PER3: variants seen among roughly 807,000 people sequenced by gnomAD.
The protein encoded by PER3 is period circadian regulator 3, also known as period circadian protein homolog 3.
Under a neutral mutation model 127.2 loss-of-function variants are expected in PER3, and 107 were observed. The observed-to-expected ratio is 0.84, with a 90% CI of 0.72 to 0.99. The LOEUF (loss-of-function observed/expected upper bound fraction) is 0.99, where lower values mean the gene tolerates loss of function less well. Among genes scored for constraint, PER3 ranks in the 50% least tolerant of loss-of-function variants. The pLI, the probability that PER3 is intolerant of heterozygous loss-of-function variation, is 0.00. For synonymous variants in PER3, 618 were observed against 585.8 expected (o/e 1.05, Z -0.79); for missense variants, 1,560 against 1,525.8 (o/e 1.02, Z -0.37).
At position 7,826,725 on chromosome 1, in the gene PER3, A is replaced by T. The variant is rs771252791; in HGVS notation, c.2188+15A>T. The T allele has an allele frequency of 3.5e-6, 5 of 1,437,632 alleles. No homozygotes were observed. Among genetic ancestry groups the T allele is most frequent in the Non-Finnish European group, 3.9e-6 (4 of 1,020,298 alleles). The allele number at this position is 1,437,632 out of a possible 1,614,324, so 89.1% of individuals were successfully genotyped here. A position where few individuals can be genotyped will look rare whatever the true frequency, so the allele number is the denominator to read the frequency against. On this transcript the variant is annotated intron_variant, in intron 17 of 21. Transcript: ENST00000377532. The surrounding 1 kb of genome is among the most constrained non-coding windows in gnomAD (Gnocchi z 4.2). ...ATATTTTCAAGGTACGTAATTTTTT[A>T]AAAATAAATGCCATTAATCTATGTA...
intron 13 of PER3, among the ~76,000 whole-genome samples, chr1:7,813,660 G>A (rs895174930): frequency 6.6e-6 from 1 of 152,286 alleles, no homozygotes; most frequent in South Asian, 2.1e-4. Context: ...TTTGAAAGCT[G>A]TTGTACATGC....
At position 7,784,822 on chromosome 1, in the gene PER3, G is replaced by A; in HGVS notation, c.-56G>A. On this transcript the variant is annotated 5_prime_UTR_variant, in exon 2 of 22. Transcript: ENST00000377532. The stretch of plus-strand genomic sequence containing the variant: ...GTCTGTCACTGACTGCAAAGTGAGC[G>A]AGAAGCAGGCTGCGGGCCGTCCCAG... The A allele has an allele frequency of 7.2e-7, 1 of 1,395,186 alleles. No individual in the cohort carries two copies. The highest frequency in any genetic ancestry group is 1.8e-5 in the South Asian group (1 of 56,876). The allele number at this position is 1,395,186 out of a possible 1,614,324, so 86.4% of individuals were successfully genotyped here. A position where few individuals can be genotyped will look rare whatever the true frequency, so the allele number is the denominator to read the frequency against.
At chr1:7,830,195 C>A in intron 19 of PER3, 34 bp downstream of exon 19, 1 of 1,550,672 alleles carries the variant, frequency 6.4e-7, no homozygotes, top group Non-Finnish European at 8.9e-7. Context: ...TTTCAAACTC[C>A]AATGCCAGAC....
At chr1:7,789,140 A>ATATATATATATATAT (rs1553301246) in intron 5 of PER3, among the ~76,000 whole-genome samples, 1 of 133,160 alleles carries the variant, frequency 7.5e-6, no homozygotes, top group Non-Finnish European at 1.7e-5. Context: ...AGAGCTTTAA[A>ATATATATATATATAT]ATATATATAT....
chr1:7,840,124 G>A (rs1426672214), intron 21 of PER3, among the ~76,000 whole-genome samples: 4 of 151,940 alleles, frequency 2.6e-5, no homozygotes, highest in South Asian at 2.1e-4. Context: ...GTCTTCATAC[G>A]TGTATTCTTT....
intron 11 of PER3, 89 bp from the exon 12 acceptor site, chr1:7,809,804 C>G: frequency 7.9e-7 from 1 of 1,267,006 alleles, no homozygotes; most frequent in Admixed American, 2.4e-5. Context: ...GAATTGTCAT[C>G]TTAATTTTTA....
In PER3 at chr1:7,810,106, T is replaced by C. The variant is rs1464442574; in HGVS notation, c.1371+85T>C. 2.3e-6 allele frequency: 3 copies of C among 1,310,000 alleles called. No individual in the cohort carries two copies. The African/African-American group carries it at 4.4e-5, about 19-fold the overall frequency. The allele number at this position is 1,310,000 out of a possible 1,614,324, so 81.1% of individuals were successfully genotyped here. Reference sequence around the variant, plus strand: ...CTGAATGTGGTGACATCTTAGTATATATTCCTGACTTGAAGACCTCAACTG... The same window carrying C: ...CTGAATGTGGTGACATCTTAGTATACATTCCTGACTTGAAGACCTCAACTG... On this transcript the variant is annotated intron_variant, in intron 12 of 21. Transcript: ENST00000377532.
At chr1:7,815,300 A>G (rs1324464189) in intron 13 of PER3, among the ~76,000 whole-genome samples, 1 of 152,264 alleles carries the variant, frequency 6.6e-6, no homozygotes, top group East Asian at 1.9e-4. Flanking sequence ...AAATCGTCAA[A>G]TTGGATGAAA....
chr1:7,841,753 G>A (rs1438418733), intron 21 of PER3, among the ~76,000 whole-genome samples: 1 of 152,126 alleles, frequency 6.6e-6, no homozygotes, highest in Non-Finnish European at 1.5e-5. Flanking sequence ...GCTGGGTAGG[G>A]TCTCACCAAA....
In PER3 at chr1:7,789,747, AT is replaced by A. The variant is rs2097110114; in HGVS notation, c.592+1504del. Among the ~76,000 whole-genome samples, 10 of 152,312 alleles carry A rather than the reference AT, an allele frequency of 6.6e-5. 1 individual carries two copies. In the South Asian group the frequency reaches 2.1e-3, roughly 32 times the overall value. ...TTTCTAATTTTTTACCCAGTAGTTA[AT>A]TTAATGAAGGGTAGCTTTGCGTGTT... On this transcript the variant is annotated intron_variant, in intron 5 of 21. Transcript: ENST00000377532.
At chr1:7,790,971 T>A (rs1225340917) in intron 5 of PER3, among the ~76,000 whole-genome samples, 1 of 152,220 alleles carries the variant, frequency 6.6e-6, no homozygotes, top group African/African-American at 2.4e-5. Flanking sequence ...CTTTGCAGGG[T>A]ACAGCCTCCC....
intron 5 of PER3, 184 bp downstream of exon 5, chr1:7,788,430 CGTTT>C: frequency 3.4e-6 from 2 of 581,074 alleles, no homozygotes; most frequent in South Asian, 4.4e-5. Flanking sequence ...ATACTCAATA[CGTTT>C]GTTTCCATTT....
At chr1:7,799,659 T>G (rs1171008152) in intron 7 of PER3, among the ~76,000 whole-genome samples, 1 of 151,396 alleles carries the variant, frequency 6.6e-6, no homozygotes, top group Non-Finnish European at 1.5e-5. Flanking sequence ...GTTAAATGAT[T>G]AGGAAATCTA....
intron 18 of PER3, 122 bp downstream of exon 18, chr1:7,827,937 G>GAGCCTGTT: frequency 1.5e-6 from 1 of 679,888 alleles, no homozygotes; most frequent in Non-Finnish European, 2.5e-6. Context: ...TACTGTGAGT[G>GAGCCTGTT]AGCCTGTTAG....
intron 6 of PER3, among the ~76,000 whole-genome samples, chr1:7,796,672 G>C (rs1304602411): frequency 6.6e-6 from 1 of 152,096 alleles, no homozygotes; most frequent in Non-Finnish European, 1.5e-5. Context: ...AGATACTTTG[G>C]AGGGGGAAGA....
At chr1:7,786,921 C>T (rs2097094209) in intron 4 of PER3, 85 bp downstream of exon 4, 1 of 784,886 alleles carries the variant, frequency 1.3e-6, no homozygotes, top group Non-Finnish European at 2.2e-6. Flanking sequence ...AGAAGGATAA[C>T]AACGTTTCAG....
intron 6 of PER3, among the ~76,000 whole-genome samples, chr1:7,797,510 C>T (rs1314810610): frequency 1.3e-5 from 2 of 152,210 alleles, no homozygotes; most frequent in East Asian, 1.9e-4. Flanking sequence ...TGGCACGCAC[C>T]TGTAATCCCA....
At chr1:7,804,462 C>T (rs967390975) in intron 10 of PER3, among the ~76,000 whole-genome samples, 1 of 147,066 alleles carries the variant, frequency 6.8e-6, no homozygotes, top group African/African-American at 2.5e-5. Flanking sequence ...TGCAGTGATG[C>T]GATCACAGCT....
chr1:7,834,446 A>G (rs228659), intron 19 of PER3, among the ~76,000 whole-genome samples: 147,164 of 152,276 alleles, frequency 0.97, 71,133 homozygotes, highest in East Asian at 1. Context: ...GTTTTGTGTG[A>G]GTGTTTTGTT....
Sources: gnomAD v4.1 joint callset for allele counts (sites outside exome capture counted in the v4.1 genomes callset) on GRCh38, gnomAD v4.1.1 for gene constraint, Gnocchi (gnomAD v3.1) non-coding constraint, MANE v1.5 for transcripts, NCBI Gene and HGNC (gene_info 2026-07-23, HGNC 2026-07-21) for gene names.